PTCSC3: variants seen among roughly 807,000 people sequenced by gnomAD.
The protein encoded by PTCSC3 is papillary thyroid carcinoma susceptibility candidate 3 (non-protein coding).
At chr14:36,161,688 G>A (rs1881959706) in intron 2 of PTCSC3, among the ~76,000 whole-genome samples, 1 of 152,210 alleles carries the variant, frequency 6.6e-6, no homozygotes, top group African/African-American at 2.4e-5. Flanking sequence ...TCTCAGTCAG[G>A]AGACATGGGG....
chr14:36,135,672 G>A (rs1311364447), downstream of PTCSC3, among the ~76,000 whole-genome samples: 1 of 152,136 alleles, frequency 6.6e-6, no homozygotes, highest in African/African-American at 2.4e-5. Context: ...TGAAGGTGGT[G>A]CTGATAATGA....
chr14:36,154,050 C>G (rs970814133), intron 2 of PTCSC3, among the ~76,000 whole-genome samples: 10 of 137,272 alleles, frequency 7.3e-5, no homozygotes, highest in Non-Finnish European at 1.2e-4. Flanking sequence ...CTGGGTGACA[C>G]AGTGGGACCC....
At chr14:36,173,563 TAGGTAGA>T (rs1566512722) in intron 1 of PTCSC3, among the ~76,000 whole-genome samples, 1 of 142,212 alleles carries the variant, frequency 7.0e-6, no homozygotes, top group African/African-American at 2.6e-5. Context: ...AGTTAACTCT[TAGGTAGA>T]AGTGACTTGA....
At chr14:36,157,161 C>T (rs28773485) in intron 2 of PTCSC3, among the ~76,000 whole-genome samples, 13,314 of 152,212 alleles carry the variant, frequency 0.087, 694 homozygotes, top group Middle Eastern at 0.18. Context: ...TCTCTAATGA[C>T]CAGTGATGAC....
intron 1 of PTCSC3, chr14:36,165,380 T>G (rs1882066127): frequency 6.6e-6 from 1 of 152,206 alleles, no homozygotes. Flanking sequence ...ATGTTCTTTC[T>G]ACCTCTATGG....
At chr14:36,150,634 G>C (rs1881700310) in intron 3 of PTCSC3, among the ~76,000 whole-genome samples, 2 of 151,942 alleles carry the variant, frequency 1.3e-5, no homozygotes, top group East Asian at 3.9e-4. Flanking sequence ...TAACTTCTTT[G>C]ATTTTAATTG....
chr14:36,141,273 G>C (rs1350127701), intron 3 of PTCSC3, among the ~76,000 whole-genome samples: 1 of 152,014 alleles, frequency 6.6e-6, no homozygotes, highest in Non-Finnish European at 1.5e-5. Flanking sequence ...TCACAAAACA[G>C]CTTGCTAGGA....
At chr14:36,139,901 A>G (rs1227716297) in intron 3 of PTCSC3, among the ~76,000 whole-genome samples, 1 of 152,182 alleles carries the variant, frequency 6.6e-6, no homozygotes, top group African/African-American at 2.4e-5. Context: ...GGGTTTTGAC[A>G]AATGCATAAT....
chr14:36,168,758 A>G (rs1388071652), intron 1 of PTCSC3, among the ~76,000 whole-genome samples: 1 of 152,020 alleles, frequency 6.6e-6, no homozygotes, highest in Non-Finnish European at 1.5e-5. Context: ...TGGAACTGCA[A>G]GTACCTGACA....
In PTCSC3 at chr14:36,148,018, A is replaced by G. The variant is rs919463034; in HGVS notation, n.322+5786T>C. Among the ~76,000 whole-genome samples the G allele has an allele frequency of 2.0e-3, 297 of 152,286 alleles. 1 individual carries two copies. The highest frequency in any genetic ancestry group is 6.8e-3 in the African/African-American group (282 of 41,524). ...ACCCCCTTGAGGAGGCAGTCTGCCC[A>G]TTCTCAGATCTCCAGCTGCATGCTG... On this transcript the variant is annotated intron_variant and non_coding_transcript_variant, in intron 3 of 3. Coordinates refer to ENST00000556013, the Ensembl canonical transcript of PTCSC3.
intron 2 of PTCSC3, among the ~76,000 whole-genome samples, chr14:36,157,629 C>A (rs372859367): frequency 3.3e-5 from 5 of 152,062 alleles, no homozygotes; most frequent in African/African-American, 9.7e-5. Flanking sequence ...GTTTTCCCAA[C>A]ACCATTTATT....
chr14:36,159,223 GT>G (rs200127069), intron 2 of PTCSC3, among the ~76,000 whole-genome samples: 91,321 of 144,706 alleles, frequency 0.63, 29,218 homozygotes, highest in Non-Finnish European at 0.68. Flanking sequence ...TTTTTGAAGG[GT>G]TTTTTTTGCG....
chr14:36,167,190 A>C (rs746778140), intron 1 of PTCSC3, among the ~76,000 whole-genome samples: 13 of 152,226 alleles, frequency 8.5e-5, no homozygotes, highest in Non-Finnish European at 1.6e-4. Flanking sequence ...TCCTCTTTGC[A>C]GATGATTAAT....
intron 1 of PTCSC3, among the ~76,000 whole-genome samples, chr14:36,172,650 C>T (rs1245438767): frequency 6.6e-6 from 1 of 152,104 alleles, no homozygotes; most frequent in African/African-American, 2.4e-5. Flanking sequence ...TTTATAGTGT[C>T]TCAAACTATG....
intron 1 of PTCSC3, chr14:36,163,984 T>G (rs918497330): frequency 2.0e-5 from 3 of 152,158 alleles, no homozygotes; most frequent in African/African-American, 7.2e-5. Context: ...CAGGAGAAGA[T>G]TAAAATATAT....
chr14:36,146,640 T>C (rs1382029495), intron 3 of PTCSC3, among the ~76,000 whole-genome samples: 1 of 152,274 alleles, frequency 6.6e-6, no homozygotes, highest in Non-Finnish European at 1.5e-5. Flanking sequence ...TGTGTTTTAA[T>C]TGGAGCATTT....
chr14:36,167,850 T>TA (rs748395626), intron 1 of PTCSC3, among the ~76,000 whole-genome samples: 106 of 152,226 alleles, frequency 7.0e-4, no homozygotes, highest in Middle Eastern at 3.4e-3. Context: ...TGTTAAGATT[T>TA]AAAAAATACA....
chr14:36,142,880 TC>T (rs1881459725), intron 3 of PTCSC3, among the ~76,000 whole-genome samples: 1 of 147,996 alleles, frequency 6.8e-6, no homozygotes, highest in Admixed American at 6.9e-5. Flanking sequence ...ATTGTTCAGT[TC>T]CCACCTATGA....
intron 3 of PTCSC3, among the ~76,000 whole-genome samples, chr14:36,149,779 CTTTCT>C (rs754036474): frequency 4.1e-4 from 63 of 152,270 alleles, no homozygotes; most frequent in Non-Finnish European, 8.8e-4. Context: ...GCTTCTTCAG[CTTTCT>C]TTTGACTGGT....
Sources: gnomAD v4.1 joint callset for allele counts (sites outside exome capture counted in the v4.1 genomes callset) on GRCh38, gnomAD v4.1.1 for gene constraint, MANE v1.5 for transcripts, NCBI Gene and HGNC (gene_info 2026-07-23, HGNC 2026-07-21) for gene names.